Variants in UST observed in about 807,000 individuals in gnomAD.
UST encodes the protein uronyl 2-sulfotransferase.
In UST, 21 loss-of-function variants were observed where a neutral mutation model predicts 45.6. That is an observed-to-expected ratio of 0.46 (90% CI 0.33 to 0.66). The LOEUF (loss-of-function observed/expected upper bound fraction) is 0.66. Among genes scored for constraint, UST ranks in the 30% least tolerant of loss-of-function variants. The probability of loss-of-function intolerance (pLI) is 0.02; values close to 1 mark genes in which losing one functional copy is unlikely to be tolerated. For synonymous variants in UST, 215 were observed against 200.6 expected (o/e 1.07, Z -0.61); for missense variants, 463 against 512.4 (o/e 0.90, Z 0.93).
intron 1 of UST, among the ~76,000 whole-genome samples, chr6:148,841,390 C>G (rs191058032): frequency 1.3e-5 from 2 of 152,274 alleles, no homozygotes; most frequent in Admixed American, 1.3e-4. Flanking sequence ...TACCCTGCCT[C>G]AAGTTTCATC....
chr6:148,937,482 A>T (rs951945641), intron 2 of UST, among the ~76,000 whole-genome samples: 73 of 152,218 alleles, frequency 4.8e-4, no homozygotes, highest in Admixed American at 3.0e-3. Context: ...AACATCTTTT[A>T]AAAAATGAAT....
chr6:148,915,131 A>G (rs181174744), intron 2 of UST, among the ~76,000 whole-genome samples: 343 of 152,298 alleles, frequency 2.3e-3, no homozygotes, highest in African/African-American at 7.8e-3. Context: ...CACCTCTTAT[A>G]CTATCACATT....
chr6:148,954,640 T>C (rs545037792), intron 4 of UST, among the ~76,000 whole-genome samples: 1 of 152,314 alleles, frequency 6.6e-6, no homozygotes, highest in African/African-American at 2.4e-5. Flanking sequence ...TTTGTGTATG[T>C]ACTCTATGAT....
intron 1 of UST, among the ~76,000 whole-genome samples, chr6:148,820,549 A>C (rs1187869794): frequency 6.6e-6 from 1 of 152,098 alleles, no homozygotes; most frequent in African/African-American, 2.4e-5. Context: ...AACCCCATTA[A>C]AAATTCACTG....
At position 148,934,274 on chromosome 6, in the gene UST, G is replaced by A. The variant is rs1779977882; in HGVS notation, c.292-7005G>A. 6.6e-6 allele frequency among the ~76,000 whole-genome samples: 1 copy of A among 152,178 alleles called. No individual in the cohort carries two copies. The highest frequency in any genetic ancestry group is 2.1e-4 in the South Asian group (1 of 4,822). On this transcript the variant is annotated intron_variant, in intron 2 of 7. Transcript: ENST00000367463. This position sits in a 1 kb window ranked among gnomAD's most constrained non-coding sequence, Gnocchi z 4.1. ...GACAGTGAGGAACAGAATTGTCCCT[G>A]AATTCAGGCCTTGCACAGCCCTGGC...
At position 148,748,402 on chromosome 6, in the gene UST, TGTG is replaced by T. The variant is rs1775920419; in HGVS notation, c.247+726_247+728del. Among the ~76,000 whole-genome samples the T allele has an allele frequency of 1.1e-4, 1 of 9,012 alleles. No homozygotes were observed. Among genetic ancestry groups the T allele is most frequent in the East Asian group, 2.4e-3 (1 of 422 alleles). The allele number at this position is 9,012 out of a possible 152,430, so 5.9% of individuals were successfully genotyped here. A position where few individuals can be genotyped will look rare whatever the true frequency, so the allele number is the denominator to read the frequency against. On this transcript the variant is annotated intron_variant, in intron 1 of 7. Coordinates refer to ENST00000367463, the MANE Select transcript of UST (RefSeq NM_005715.3). The surrounding 1 kb of genome is among the most constrained non-coding windows in gnomAD (Gnocchi z 5.3). ...CGTCTCAAGCTCAAGTCAAAACTTG[TGTG>T]TGTGTGTGTGTGTGTGTGTGTGTGT...
At chr6:148,782,317 C>T (rs1164057863) in intron 1 of UST, among the ~76,000 whole-genome samples, 1 of 152,054 alleles carries the variant, frequency 6.6e-6, no homozygotes, top group East Asian at 1.9e-4. Flanking sequence ...TCGAGGGGGT[C>T]AAGACTTGAG....
intron 2 of UST, among the ~76,000 whole-genome samples, chr6:148,891,718 A>G (rs1445783475): frequency 6.6e-6 from 1 of 152,238 alleles, no homozygotes; most frequent in Non-Finnish European, 1.5e-5. Context: ...GCACTTTTAA[A>G]TAAGCAATCT....
At position 148,747,600 on chromosome 6, in the gene UST, T is replaced by G; in HGVS notation, c.170T>G (p.Val57Gly). The G allele has an allele frequency of 6.3e-7, 1 of 1,599,702 alleles. No individual in the cohort carries two copies. Among genetic ancestry groups the G allele is most frequent in the East Asian group, 2.3e-5 (1 of 43,838 alleles). The change falls in exon 1 of 8, where the codon GTC becomes GGC. Residue 57 changes from valine (V) to glycine (G), a missense_variant. Physicochemically the swap from Val to Gly is moderately radical, Grantham distance 109. Around this residue, in one of 2 missense-constraint regions of UST, gnomAD observed 176 missense variants for 138.3 expected, o/e 1.27. Coordinates refer to ENST00000367463, the MANE Select transcript of UST (RefSeq NM_005715.3). ...DYGFCMATLLVFCLGSLLYQL... is the reference protein window; with the variant it reads ...DYGFCMATLLGFCLGSLLYQL... The stretch of plus-strand genomic sequence containing the variant: ...GGCTTCTGCATGGCCACCCTGCTGG[T>G]CTTCTGCCTGGGCTCCCTCCTCTAT...
chr6:148,877,880 T>C (rs1359230680), intron 1 of UST, among the ~76,000 whole-genome samples: 1 of 86,152 alleles, frequency 1.2e-5, no homozygotes, highest in African/African-American at 4.7e-5. Flanking sequence ...AGTGTGGGGA[T>C]CGTGTATGAG....
At chr6:148,830,445 G>A (rs1008396090) in intron 1 of UST, among the ~76,000 whole-genome samples, 2 of 152,174 alleles carry the variant, frequency 1.3e-5, no homozygotes, top group Admixed American at 1.3e-4. Flanking sequence ...CTAAGCAGCA[G>A]CCCCAGGGTC....
chr6:148,859,668 G>A (rs1265337164), intron 1 of UST, among the ~76,000 whole-genome samples: 1 of 152,134 alleles, frequency 6.6e-6, no homozygotes, highest in Non-Finnish European at 1.5e-5. Flanking sequence ...ATTAATTTTT[G>A]TATAAGGTGT....
chr6:148,840,454 T>C (rs1777866915), intron 1 of UST, among the ~76,000 whole-genome samples: 1 of 152,210 alleles, frequency 6.6e-6, no homozygotes, highest in Non-Finnish European at 1.5e-5. Flanking sequence ...CTGAATTCTT[T>C]AGCTATTCGT....
At chr6:148,755,443 G>A (rs1304225171) in intron 1 of UST, among the ~76,000 whole-genome samples, 1 of 152,134 alleles carries the variant, frequency 6.6e-6, no homozygotes, top group East Asian at 1.9e-4. Flanking sequence ...ATTAGATGCT[G>A]CTTGGCCTCA....
chr6:149,074,061 T>G lies in UST; in HGVS notation c.1166T>G (p.Ile389Ser). Reference sequence around the variant, plus strand: ...ACTCCACTGGAAACCGAGGAGCCAATCGACGATGAAGAACAGGATGATGAA... The same window carrying G: ...ACTCCACTGGAAACCGAGGAGCCAAGCGACGATGAAGAACAGGATGATGAA... ...IPTPLETEEP[I>S]DDEEQDDEKW... Residue 389 changes from isoleucine (I) to serine (S), a missense_variant, in exon 8 of 8, where the codon ATC becomes AGC. Ile to Ser is a moderately radical substitution (Grantham distance 142, BLOSUM62 -2). Around this residue, in one of 2 missense-constraint regions of UST, gnomAD observed 287 missense variants for 374.2 expected, o/e 0.77. Coordinates refer to ENST00000367463, the MANE Select transcript of UST (RefSeq NM_005715.3). The G allele has an allele frequency of 6.2e-7, 1 of 1,614,188 alleles. No homozygotes were observed. The highest frequency in any genetic ancestry group is 1.3e-5 in the African/African-American group (1 of 75,052).
intron 1 of UST, among the ~76,000 whole-genome samples, chr6:148,759,847 CAAAA>C (rs71554421): frequency 0.015 from 913 of 59,146 alleles, 7 homozygotes; most frequent in African/African-American, 0.048. Flanking sequence ...GACTCTGTCT[CAAAA>C]AAAAAAAAAA....
chr6:148,863,283 T>A (rs1338552421), intron 1 of UST, among the ~76,000 whole-genome samples: 1 of 152,238 alleles, frequency 6.6e-6, no homozygotes, highest in African/African-American at 2.4e-5. Context: ...TTCCACTTGA[T>A]CGAATTGGCT....
intron 7 of UST, among the ~76,000 whole-genome samples, chr6:149,026,710 C>T (rs1027105706): frequency 3.9e-5 from 6 of 152,192 alleles, no homozygotes; most frequent in Non-Finnish European, 7.3e-5. Flanking sequence ...ACTCTATGAC[C>T]TAATATTAAC....
chr6:148,798,147 A>T (rs1776986619), intron 1 of UST, among the ~76,000 whole-genome samples: 1 of 152,204 alleles, frequency 6.6e-6, no homozygotes, highest in Non-Finnish European at 1.5e-5. Context: ...TGCACCGAGC[A>T]GGCACATGAT....
Sources: gnomAD v4.1 joint callset for allele counts (sites outside exome capture counted in the v4.1 genomes callset) on GRCh38, gnomAD v4.1.1 for gene constraint, gnomAD v4.1.1 regional missense constraint, Gnocchi (gnomAD v3.1) non-coding constraint, MANE v1.5 for transcripts, NCBI Gene and HGNC (gene_info 2026-07-23, HGNC 2026-07-21) for gene names.